PPP4R3B: variants seen among roughly 807,000 people sequenced by gnomAD.
PPP4R3B encodes protein phosphatase 4 regulatory subunit 3B.
PPP4R3B carries 52 observed loss-of-function variants against 95.4 expected under a neutral mutation model. That is an observed-to-expected ratio of 0.54 (90% CI 0.44 to 0.69). PPP4R3B has a LOEUF of 0.69. Ranked by LOEUF, PPP4R3B falls within the 30% of genes least tolerant of loss-of-function variation. PPP4R3B has a pLI of 0.00. For missense variants in PPP4R3B, 1,003 were observed against 1,005.9 expected, an observed-to-expected ratio of 1.00 and a Z score of 0.04; for synonymous variants, 407 against 343.9, an observed-to-expected ratio of 1.18 and a Z score of -2.03.
intron 7 of PPP4R3B, among the ~76,000 whole-genome samples, chr2:55,584,206 C>T (rs1280167388): frequency 6.6e-6 from 1 of 152,030 alleles, no homozygotes; most frequent in Non-Finnish European, 1.5e-5. Context: ...AAAACTGAGG[C>T]ATTTTTAATA....
At chr2:55,613,927 G>T (rs1407591979) in intron 2 of PPP4R3B, among the ~76,000 whole-genome samples, 3 of 152,074 alleles carry the variant, frequency 2.0e-5, no homozygotes, top group African/African-American at 7.2e-5. Flanking sequence ...GAGCTGCCTG[G>T]CTGACTGAGA....
chr2:55,601,141 CAAAAAAA>C (rs397871165), intron 3 of PPP4R3B, among the ~76,000 whole-genome samples: 1 of 99,146 alleles, frequency 1.0e-5, no homozygotes, highest in Non-Finnish European at 2.0e-5. Context: ...GACCATGTCT[CAAAAAAA>C]AAAAAAAAAA....
intron 4 of PPP4R3B, among the ~76,000 whole-genome samples, chr2:55,593,515 A>G (rs1574844790): frequency 6.6e-6 from 1 of 152,216 alleles, no homozygotes; most frequent in South Asian, 2.1e-4. Context: ...AGGTAAGTGT[A>G]CTAGATACCC....
chr2:55,565,038 C>T lies in PPP4R3B; in HGVS notation c.1939G>A (p.Asp647Asn), dbSNP rs1388850092. Residue 647 changes from aspartate (D) to asparagine (N), a missense_variant, in exon 14 of 17, where the codon GAT (aspartate) becomes AAT (asparagine). This residue lies in a region of PPP4R3B where 79 missense variants were observed against 124.9 expected (regional missense o/e 0.63). Coordinates refer to ENST00000616407, the MANE Select transcript of PPP4R3B (RefSeq NM_001122964.3). ...IELFEFIRVE[D>N]IKSLTAHIVE... Reference sequence around the variant, plus strand: ...ATATGGGCAGTAAGAGACTTGATATCTTCCTGTATAAGCACAAAATTTACA... The same window carrying T: ...ATATGGGCAGTAAGAGACTTGATATTTTCCTGTATAAGCACAAAATTTACA... The T allele has an allele frequency of 6.4e-7, 1 of 1,570,442 alleles. No homozygotes were observed. The highest frequency in any genetic ancestry group is 8.6e-7 in the Non-Finnish European group (1 of 1,162,654).
Position 55,564,973 on chromosome 2 carries a change from A to G in PPP4R3B, c.2004T>C (p.Tyr668=). The change falls in exon 14 of 17, where the codon TAT becomes TAC. Residue 668 remains tyrosine (Y), a synonymous_variant. Coordinates refer to ENST00000616407, the MANE Select transcript of PPP4R3B (RefSeq NM_001122964.3). ...TCTTCAATCCTTTGAATGTCTGAAC[A>G]TATTCAATCGATTCAAGTGCTTTAT... ...NFYKALESIE[Y]VQTFKGLKTK... 1 of 1,610,474 alleles carries G rather than the reference A, an allele frequency of 6.2e-7. No homozygotes were observed. Among genetic ancestry groups the G allele is most frequent in the Non-Finnish European group, 8.5e-7 (1 of 1,178,580 alleles).
intron 11 of PPP4R3B, 109 bp from the exon 12 acceptor site, chr2:55,573,886 CTTTTTTT>C (rs369126683): frequency 2.5e-5 from 7 of 277,154 alleles, no homozygotes; most frequent in East Asian, 9.8e-5. Flanking sequence ...GTATTTCCTC[CTTTTTTT>C]TTTTTTTTTT....
chr2:55,555,266 C>T (rs763256253), intron 16 of PPP4R3B, among the ~76,000 whole-genome samples: 3 of 97,928 alleles, frequency 3.1e-5, no homozygotes, highest in Non-Finnish European at 6.0e-5. Context: ...GGCAACAGAA[C>T]AAGACTCCGT....
intron 2 of PPP4R3B, among the ~76,000 whole-genome samples, chr2:55,604,971 C>G (rs1416841655): frequency 6.6e-6 from 1 of 152,046 alleles, no homozygotes; most frequent in African/African-American, 2.4e-5. Context: ...TCCCAAGTAG[C>G]TGGGACTACA....
chr2:55,589,008 A>G lies in PPP4R3B; in HGVS notation c.922-52T>C, dbSNP rs755268082. The stretch of plus-strand genomic sequence containing the variant: ...AATATTAACAAAAGAATAAAGTTAT[A>G]CTCATTTATATGACTTACACAAATT... On this transcript the variant is annotated intron_variant, in intron 4 of 16. Coordinates refer to ENST00000616407, the MANE Select transcript of PPP4R3B (RefSeq NM_001122964.3). 1.9e-5 allele frequency: 21 copies of G among 1,109,822 alleles called. No individual in the cohort carries two copies. In the South Asian group the frequency reaches 2.6e-4, roughly 14 times the overall value. The allele number at this position is 1,109,822 out of a possible 1,614,324, so 68.7% of individuals were successfully genotyped here.
intron 7 of PPP4R3B, 123 bp from the exon 8 acceptor site, chr2:55,581,821 G>C (rs958432739): frequency 9.7e-7 from 1 of 1,030,482 alleles, no homozygotes; most frequent in Non-Finnish European, 1.3e-6. Context: ...GAATGGAATA[G>C]CTTATTTAAA....
At position 55,607,335 on chromosome 2, in the gene PPP4R3B, GC is replaced by G. The variant is rs1693559317; in HGVS notation, c.199-3260del. ...GTTGAGGGCTCAGCCCTACAAGACT[GC>G]CCCCTACTTCTAATGCCAATTGCAA... On this transcript the variant is annotated intron_variant, in intron 2 of 16. Coordinates refer to ENST00000616407, the MANE Select transcript of PPP4R3B (RefSeq NM_001122964.3). Among the ~76,000 whole-genome samples the G allele has an allele frequency of 3.3e-5, 5 of 152,248 alleles. No individual in the cohort carries two copies. The South Asian group carries it at 1.0e-3, about 32-fold the overall frequency.
rs1027190966 is a variant in PPP4R3B, at chr2:55,611,187, G to A, written c.198+4264C>T. The stretch of plus-strand genomic sequence containing the variant: ...TGACTCTTGTTTTTTATTAAGATAT[G>A]TTGCCCAGGCTGGGGTGCAATGGCT... On this transcript the variant is annotated intron_variant, in intron 2 of 16. Coordinates refer to ENST00000616407, the MANE Select transcript of PPP4R3B (RefSeq NM_001122964.3). Among the ~76,000 whole-genome samples, 56 of 151,906 alleles carry A rather than the reference G, an allele frequency of 3.7e-4. 1 individual carries two copies. Among genetic ancestry groups the A allele is most frequent in the Admixed American group, 2.6e-3 (40 of 15,266 alleles).
In PPP4R3B at chr2:55,550,022, A is replaced by C; in HGVS notation, c.2455-16T>G. On this transcript the variant is annotated splice_polypyrimidine_tract_variant and intron_variant, in intron 16 of 16. Transcript: ENST00000616407. ...CCAAACTTCCCTATTGAAGAATTTAAAAATTTTTTCTTTAAACATATATAA... is the reference window on the plus strand; with the variant it reads ...CCAAACTTCCCTATTGAAGAATTTACAAATTTTTTCTTTAAACATATATAA... 1 of 1,578,480 alleles carries C rather than the reference A, an allele frequency of 6.3e-7. No homozygotes were observed.
intron 15 of PPP4R3B, among the ~76,000 whole-genome samples, chr2:55,561,160 C>A (rs1194827144): frequency 1.3e-5 from 2 of 152,072 alleles, no homozygotes; most frequent in African/African-American, 2.4e-5. Context: ...CAAGGTACAG[C>A]TTGGGCCATG....
chr2:55,560,223 G>A (rs567770960), intron 15 of PPP4R3B, among the ~76,000 whole-genome samples: 2 of 152,340 alleles, frequency 1.3e-5, no homozygotes, highest in East Asian at 1.9e-4. Context: ...GAAGATATGG[G>A]AAAGTCTGGA....
intron 13 of PPP4R3B, 40 bp downstream of exon 13, chr2:55,568,154 T>C (rs757556529): frequency 7.0e-6 from 9 of 1,281,736 alleles, no homozygotes; most frequent in East Asian, 2.9e-5. Context: ...ATTATTTACA[T>C]ATAATTACAT....
intron 9 of PPP4R3B, among the ~76,000 whole-genome samples, chr2:55,579,135 T>A (rs903262333): frequency 2.0e-5 from 3 of 152,024 alleles, no homozygotes; most frequent in African/African-American, 7.2e-5. Flanking sequence ...TTTAATAAAC[T>A]GAAAACAGAA....
At chr2:55,576,634 G>A (rs998515182) in intron 11 of PPP4R3B, among the ~76,000 whole-genome samples, 3 of 151,570 alleles carry the variant, frequency 2.0e-5, no homozygotes, top group Admixed American at 6.6e-5. Context: ...CTCAGGAGGC[G>A]GAGCTTGCAG....
intron 1 of PPP4R3B, among the ~76,000 whole-genome samples, chr2:55,615,876 A>T (rs1694840757): frequency 7.0e-6 from 1 of 142,642 alleles, no homozygotes; most frequent in Non-Finnish European, 1.6e-5. Context: ...AAAAAAAAAA[A>T]AAAAAATACA....
Sources: gnomAD v4.1 joint callset for allele counts (sites outside exome capture counted in the v4.1 genomes callset) on GRCh38, gnomAD v4.1.1 for gene constraint, gnomAD v4.1.1 regional missense constraint, MANE v1.5 for transcripts, NCBI Gene and HGNC (gene_info 2026-07-23, HGNC 2026-07-21) for gene names.